Variants in ZNF385D observed in about 807,000 individuals in gnomAD.
ZNF385D encodes the protein zinc finger protein 659.
ZNF385D carries 15 observed loss-of-function variants against 35.8 expected under a neutral mutation model. That is an observed-to-expected ratio of 0.42 (90% CI 0.28 to 0.64). The LOEUF (loss-of-function observed/expected upper bound fraction) is 0.64, where lower values mean the gene tolerates loss of function less well. Ranked by LOEUF, ZNF385D falls within the 30% of genes least tolerant of loss-of-function variation. The probability of loss-of-function intolerance (pLI) is 0.23; values close to 1 mark genes in which losing one functional copy is unlikely to be tolerated. For synonymous variants in ZNF385D, 212 were observed against 186.8 expected (o/e 1.13, Z -1.10); for missense variants, 474 against 494.6 (o/e 0.96, Z 0.39).
At chr3:21,668,507 TGA>T (rs1559503651) in intron 1 of ZNF385D, among the ~76,000 whole-genome samples, 1 of 152,164 alleles carries the variant, frequency 6.6e-6, no homozygotes, top group Non-Finnish European at 1.5e-5. Flanking sequence ...CAGAATAACT[TGA>T]TCTGTGACAC....
rs560740508 is a variant in ZNF385D, at chr3:21,499,887, C to T, written c.439+10974G>A. On this transcript the variant is annotated intron_variant, in intron 4 of 7. Coordinates refer to ENST00000281523, the MANE Select transcript of ZNF385D (RefSeq NM_024697.3). ...GACTGGTTATACACTGGAAGAGTGG[C>T]ATAGACCCTACCCATGGGATTAATA... Among the ~76,000 whole-genome samples the T allele has an allele frequency of 7.9e-5, 12 of 152,154 alleles. No individual in the cohort carries two copies. In the South Asian group the frequency reaches 2.3e-3, roughly 29 times the overall value.
intron 1 of ZNF385D, among the ~76,000 whole-genome samples, chr3:21,706,931 T>C (rs1444111088): frequency 6.6e-6 from 1 of 152,180 alleles, no homozygotes; most frequent in African/African-American, 2.4e-5. Flanking sequence ...TCTTCCTCCT[T>C]CTTCAAGTAG....
intron 3 of ZNF385D, among the ~76,000 whole-genome samples, chr3:22,133,065 T>C (rs75492280): frequency 0.014 from 2,154 of 152,246 alleles, 50 homozygotes; most frequent in African/African-American, 0.047. Context: ...TGAAAGCTAA[T>C]TGACTTATTA....
chr3:22,086,645 G>A (rs966896590), intron 3 of ZNF385D, among the ~76,000 whole-genome samples: 5 of 152,066 alleles, frequency 3.3e-5, no homozygotes, highest in Non-Finnish European at 7.4e-5. Flanking sequence ...TGTGTTTGTT[G>A]TGGCACTATT....
intron 3 of ZNF385D, among the ~76,000 whole-genome samples, chr3:21,947,789 T>A (rs546263953): frequency 3.9e-4 from 60 of 152,308 alleles, no homozygotes; most frequent in African/African-American, 1.3e-3. Context: ...AAATTTATGG[T>A]TTCAATCATT....
intron 3 of ZNF385D, among the ~76,000 whole-genome samples, chr3:21,876,582 G>T (rs931612769): frequency 3.3e-5 from 5 of 151,802 alleles, no homozygotes; most frequent in African/African-American, 1.2e-4. Context: ...CACCTACTAT[G>T]TCTCATGCCT....
intron 2 of ZNF385D, among the ~76,000 whole-genome samples, chr3:21,620,049 A>G (rs3916075): frequency 6.6e-6 from 1 of 152,170 alleles, no homozygotes; most frequent in African/African-American, 2.4e-5. Flanking sequence ...ATGCACCGGT[A>G]TGATTAACTG....
At chr3:22,021,272 C>G (rs549748662) in intron 3 of ZNF385D, among the ~76,000 whole-genome samples, 1 of 152,038 alleles carries the variant, frequency 6.6e-6, no homozygotes, top group South Asian at 2.1e-4. Context: ...AAAGACTCAA[C>G]ATGTGAAGCA....
chr3:21,964,022 T>G (rs1057443104), intron 3 of ZNF385D, among the ~76,000 whole-genome samples: 1 of 152,152 alleles, frequency 6.6e-6, no homozygotes, highest in South Asian at 2.1e-4. Context: ...AAATATTCAT[T>G]TAATTGCGGG....
At chr3:21,756,042 C>T (rs760183290), upstream of ZNF385D, among the ~76,000 whole-genome samples, 4 of 152,178 alleles carry the variant, frequency 2.6e-5, no homozygotes, top group African/African-American at 9.7e-5. Context: ...TTTATTATGA[C>T]TTACATGATA....
intron 3 of ZNF385D, among the ~76,000 whole-genome samples, chr3:22,130,629 T>C (rs928778050): frequency 6.6e-6 from 1 of 152,140 alleles, no homozygotes; most frequent in Non-Finnish European, 1.5e-5. Flanking sequence ...CACTACATTT[T>C]CCTTCCCCCA....
At position 22,105,417 on chromosome 3, in the gene ZNF385D, A is replaced by G. The variant is rs528099599; in HGVS notation, c.325+63400T>C. 3.3e-5 allele frequency among the ~76,000 whole-genome samples: 5 copies of G among 152,216 alleles called. No individual in the cohort carries two copies. In the East Asian group the frequency reaches 5.8e-4, roughly 18 times the overall value. On this transcript the variant is annotated intron_variant, in intron 3 of 5. Transcript: ENST00000494108. ...TATACATATATAAATACATATATAC[A>G]TGTACATATACATACATACTTATAT...
chr3:22,340,332 T>G (rs971171573), intron 2 of ZNF385D, among the ~76,000 whole-genome samples: 1 of 152,148 alleles, frequency 6.6e-6, no homozygotes, highest in African/African-American at 2.4e-5. Flanking sequence ...TATGGCCACT[T>G]TATTCACTAA....
At chr3:21,526,375 G>A (rs1306926065) in intron 3 of ZNF385D, among the ~76,000 whole-genome samples, 1 of 152,052 alleles carries the variant, frequency 6.6e-6, no homozygotes, top group Non-Finnish European at 1.5e-5. Flanking sequence ...TGAGCTATTA[G>A]TTCAAGTATC....
At chr3:22,164,551 T>A (rs116703318) in intron 3 of ZNF385D, among the ~76,000 whole-genome samples, 1 of 151,194 alleles carries the variant, frequency 6.6e-6, no homozygotes, top group Non-Finnish European at 1.5e-5. Flanking sequence ...TTAAAGGGAA[T>A]TGAGAAAGAA....
At chr3:21,844,743 T>C (rs1464495719) in intron 3 of ZNF385D, among the ~76,000 whole-genome samples, 2 of 151,990 alleles carry the variant, frequency 1.3e-5, no homozygotes, top group African/African-American at 4.8e-5. Flanking sequence ...TGTCACTAAA[T>C]TGTTCACATT....
chr3:22,027,129 G>A (rs1697608823), intron 3 of ZNF385D, among the ~76,000 whole-genome samples: 2 of 152,326 alleles, frequency 1.3e-5, no homozygotes, highest in Admixed American at 1.3e-4. Context: ...CCTCAGGGGT[G>A]TATTAGCTCA....
intron 2 of ZNF385D, among the ~76,000 whole-genome samples, chr3:21,605,340 G>A (rs1175837769): frequency 6.6e-6 from 1 of 152,208 alleles, no homozygotes; most frequent in African/African-American, 2.4e-5. Flanking sequence ...GTTAGGCACA[G>A]CAGCAGCTTG....
intron 3 of ZNF385D, among the ~76,000 whole-genome samples, chr3:21,934,246 T>C (rs1274042762): frequency 6.6e-6 from 1 of 152,200 alleles, no homozygotes; most frequent in Non-Finnish European, 1.5e-5. Context: ...AAGTATATTT[T>C]TTCTTTTTGG....
Sources: gnomAD v4.1 joint callset for allele counts (sites outside exome capture counted in the v4.1 genomes callset) on GRCh38, gnomAD v4.1.1 for gene constraint, MANE v1.5 for transcripts, NCBI Gene and HGNC (gene_info 2026-07-23, HGNC 2026-07-21) for gene names.